The following PGM3 variants were observed in gnomAD, a reference collection of about 807,000 sequenced individuals.
PGM3 encodes the protein phosphoglucomutase 3.
Under a neutral mutation model 66.2 loss-of-function variants are expected in PGM3, and 40 were observed. The ratio of observed to expected loss-of-function variants is 0.60; its 90% CI spans 0.47 to 0.79. The LOEUF (loss-of-function observed/expected upper bound fraction) is 0.79, where lower values mean the gene tolerates loss of function less well. Among genes scored for constraint, PGM3 ranks in the 30% least tolerant of loss-of-function variants. PGM3 has a pLI of 0.00. For synonymous variants in PGM3, 191 were observed against 224.2 expected (o/e 0.85, Z 1.32); for missense variants, 537 against 643.4 (o/e 0.83, Z 1.79).
At chr6:83,174,768 A>C (rs974559259) in intron 9 of PGM3, among the ~76,000 whole-genome samples, 2 of 152,226 alleles carry the variant, frequency 1.3e-5, no homozygotes, top group Admixed American at 1.3e-4. Flanking sequence ...GCAAGCACAC[A>C]CAGTAAGTTC....
At chr6:83,169,638 T>C (rs1315312054) in intron 12 of PGM3, 1 of 473,476 alleles carries the variant, frequency 2.1e-6, no homozygotes, top group African/African-American at 2.0e-5. Flanking sequence ...AAGTAAGTAC[T>C]AATGCCTCTG....
At chr6:83,187,111 C>A in intron 3 of PGM3, 36 bp from the exon 4 acceptor site, 1 of 1,347,238 alleles carries the variant, frequency 7.4e-7, no homozygotes, top group Non-Finnish European at 1.1e-6. Context: ...TATATCCCAT[C>A]CTGAAACTGG....
At chr6:83,182,323 GT>G (rs1053038209) in intron 5 of PGM3, among the ~76,000 whole-genome samples, 1 of 151,828 alleles carries the variant, frequency 6.6e-6, no homozygotes, top group African/African-American at 2.4e-5. Flanking sequence ...AGGCAGATTT[GT>G]TTTTTTTCTA....
chr6:83,158,156 AC>A (rs1783265157), downstream of PGM3, among the ~76,000 whole-genome samples: 1 of 151,502 alleles, frequency 6.6e-6, no homozygotes, highest in Non-Finnish European at 1.5e-5. Context: ...CTGCCACCAC[AC>A]CCAGCTAATT....
In PGM3 at chr6:83,181,810, T is replaced by A; in HGVS notation, c.713A>T (p.Asn238Ile). The A allele has an allele frequency of 1.2e-6, 2 of 1,614,094 alleles. No homozygotes were observed. The highest frequency in any genetic ancestry group is 1.1e-5 in the South Asian group (1 of 91,082). ...FSQGLSVQLF[N>I]DGSKGKLNHL... is the part of the protein sequence containing the mutation. The stretch of plus-strand genomic sequence containing the variant: ...ATTGAGTTTGCCCTTGGACCCATCA[T>A]TAAACAGCTGAACTGACAGGCCCTG... Residue 238 changes from asparagine to isoleucine, a missense_variant, in exon 6 of 13, where the codon AAT becomes ATT. Asn to Ile is a moderately radical substitution (Grantham distance 149). Coordinates refer to ENST00000513973, the MANE Select transcript of PGM3 (RefSeq NM_015599.3).
Position 83,179,848 on chromosome 6 carries a change from T to C in PGM3, c.907A>G (p.Thr303Ala). The C allele has an allele frequency of 3.1e-6, 5 of 1,613,304 alleles. No homozygotes were observed. The highest frequency in any genetic ancestry group is 4.2e-6 in the Non-Finnish European group (5 of 1,179,570). Reference sequence around the variant, plus strand: ...TCTTTAAGGAAACTGCTAATTAACGTTGCTATCTTGTCTCCATCTATGAGA... The same window carrying C: ...TCTTTAAGGAAACTGCTAATTAACGCTGCTATCTTGTCTCCATCTATGAGA... Reference protein sequence around the residue: ...FHLIDGDKIATLISSFLKELL... With the variant: ...FHLIDGDKIAALISSFLKELL... Residue 303 changes from threonine to alanine, a missense_variant, in exon 7 of 13, where the codon ACG (threonine) becomes GCG (alanine). Transcript: ENST00000513973.
rs1786381967 is a variant in PGM3 at position 83,168,461 on chromosome 6, T to C, written c.*773A>G. ...AAACCTGCAAAATATACACTACCCA[T>C]TTTTTTTTTCCATTGGTTTCAGACT... On this transcript the variant is annotated 3_prime_UTR_variant, in exon 13 of 13. Transcript: ENST00000513973. The C allele has an allele frequency of 1.0e-6, 1 of 960,688 alleles. No individual in the cohort carries two copies. Among genetic ancestry groups the C allele is most frequent in the Non-Finnish European group, 1.3e-6 (1 of 795,988 alleles). 59.5% of individuals were successfully genotyped at this position (960,688 alleles called of 1,614,324 possible).
intron 3 of PGM3, among the ~76,000 whole-genome samples, chr6:83,187,671 G>A (rs554579882): frequency 3.3e-5 from 5 of 152,160 alleles, no homozygotes; most frequent in African/African-American, 4.8e-5. Flanking sequence ...GGGCGTGGTG[G>A]CACACAGCTG....
chr6:83,171,043 T>G (rs1786985475), intron 11 of PGM3: 1 of 152,690 alleles, frequency 6.5e-6, no homozygotes, highest in African/African-American at 2.4e-5. Context: ...GAGTTTTGCT[T>G]CAAAATAATG....
the PGM3 span, among the ~76,000 whole-genome samples, chr6:83,149,754 T>C: frequency 1.7e-4 from 26 of 151,858 alleles, no homozygotes; most frequent in African/African-American, 5.8e-4. Context: ...ATTGATGGGA[T>C]TGAAAGAACA....
chr6:83,148,790 G>A, the PGM3 span: 1 of 1,559,730 alleles, frequency 6.4e-7, no homozygotes, highest in Non-Finnish European at 8.6e-7. Context: ...GGATAGCTGG[G>A]CGTCACTGTT....
At chr6:83,177,925 C>A (rs2128492961) in intron 8 of PGM3, among the ~76,000 whole-genome samples, 1 of 152,206 alleles carries the variant, frequency 6.6e-6, no homozygotes, top group South Asian at 2.1e-4. Context: ...CACTGACCAC[C>A]CCCCACACAC....
chr6:83,164,765 C>T, downstream of PGM3: 5 of 1,508,380 alleles, frequency 3.3e-6, no homozygotes, highest in Non-Finnish European at 4.5e-6. Context: ...CAAAAGTTGC[C>T]AAATATTGAG....
In PGM3 at chr6:83,166,701, G is replaced by A. The variant is rs963031877; in HGVS notation, c.*2533C>T. On this transcript the variant is annotated 3_prime_UTR_variant, in exon 13 of 13. Transcript: ENST00000513973. Reference sequence around the variant, plus strand: ...ACCAACCTAATATTTTCCTTTTTCAGGATTTTACTTTAAAATAAGCAATAA... The same window carrying A: ...ACCAACCTAATATTTTCCTTTTTCAAGATTTTACTTTAAAATAAGCAATAA... The A allele has an allele frequency of 8.1e-7, 1 of 1,227,898 alleles. No homozygotes were observed. The highest frequency in any genetic ancestry group is 4.2e-5 in the Admixed American group (1 of 23,838). The allele number at this position is 1,227,898 out of a possible 1,614,324, so 76.1% of individuals were successfully genotyped here.
At chr6:83,188,570 C>T (rs367896648) in intron 3 of PGM3, 44 bp downstream of exon 3, 12 of 1,442,548 alleles carry the variant, frequency 8.3e-6, no homozygotes, top group East Asian at 6.9e-5. Flanking sequence ...GTTTATATCA[C>T]GTTCCCAAAG....
intron 10 of PGM3, among the ~76,000 whole-genome samples, chr6:83,172,897 G>GTGA (rs1475406725): frequency 6.6e-6 from 1 of 152,212 alleles, no homozygotes; most frequent in Admixed American, 6.5e-5. Context: ...AGGAATGATG[G>GTGA]TGATGCCAGA....
At chr6:83,180,736 C>A (rs1333008993) in intron 6 of PGM3, among the ~76,000 whole-genome samples, 1 of 152,280 alleles carries the variant, frequency 6.6e-6, no homozygotes, top group South Asian at 2.1e-4. Context: ...AGTGGCAGAA[C>A]TGAACTGTCA....
chr6:83,163,102 G>A (rs73749724), downstream of PGM3, among the ~76,000 whole-genome samples: 2,864 of 152,044 alleles, frequency 0.019, 97 homozygotes, highest in African/African-American at 0.065. Context: ...AAAACATATC[G>A]TATGTATTTT....
chr6:83,161,556 G>A (rs781135922), downstream of PGM3, among the ~76,000 whole-genome samples: 1 of 152,128 alleles, frequency 6.6e-6, no homozygotes, highest in Admixed American at 6.6e-5. Context: ...GTAGAAAAAT[G>A]AGCCAATGAG....
Sources: gnomAD v4.1 joint callset for allele counts (sites outside exome capture counted in the v4.1 genomes callset) on GRCh38, gnomAD v4.1.1 for gene constraint, MANE v1.5 for transcripts, NCBI Gene and HGNC (gene_info 2026-07-23, HGNC 2026-07-21) for gene names.